Variants in SHPRH observed in about 807,000 individuals in gnomAD.
The protein encoded by SHPRH is SNF2 histone linker PHD RING helicase.
In SHPRH, 106 loss-of-function variants were observed where a neutral mutation model predicts 202.5. The ratio of observed to expected loss-of-function variants is 0.52; its 90% CI spans 0.45 to 0.62. The LOEUF (loss-of-function observed/expected upper bound fraction) is 0.62, where lower values mean the gene tolerates loss of function less well. Among genes scored for constraint, SHPRH ranks in the 20% least tolerant of loss-of-function variants. The pLI is 0.00. For missense variants in SHPRH, 1,710 were observed against 2,020.0 expected, an observed-to-expected ratio of 0.85 and a Z score of 2.94; for synonymous variants, 729 against 686.0, an observed-to-expected ratio of 1.06 and a Z score of -0.98.
chr6:145,962,389 A>T (rs780571377), intron 1 of SHPRH, among the ~76,000 whole-genome samples: 5 of 152,206 alleles, frequency 3.3e-5, no homozygotes, highest in Non-Finnish European at 7.3e-5. Flanking sequence ...GGACCTAACG[A>T]TACTTTACTC....
rs534647789 is a variant in SHPRH at position 145,887,300 on chromosome 6, C to T, written c.4956-513G>A. ...TTTCTAGTTTCAAATTGCTTCTTTG[C>T]TATGTGACAATCCCTTCTAAGGCAA... On this transcript the variant is annotated intron_variant, in intron 29 of 29. Transcript: ENST00000275233. Among the ~76,000 whole-genome samples, 225 of 152,232 alleles carry T rather than the reference C, an allele frequency of 1.5e-3. 1 individual carries two copies. The highest frequency in any genetic ancestry group is 5.2e-3 in the African/African-American group (215 of 41,562).
chr6:145,952,527 T>C (rs371032557), intron 2 of SHPRH, 49 bp from the exon 3 acceptor site: 2 of 1,550,910 alleles, frequency 1.3e-6, no homozygotes, highest in African/African-American at 1.4e-5. Flanking sequence ...AAATATACCA[T>C]TCTTTATGAG....
intron 13 of SHPRH, among the ~76,000 whole-genome samples, chr6:145,933,871 G>A (rs1360462492): frequency 6.6e-6 from 1 of 152,080 alleles, no homozygotes; most frequent in African/African-American, 2.4e-5. Flanking sequence ...ATTTCTTAAT[G>A]TTCTCAGAAT....
At chr6:145,859,676 T>A (rs927620541), downstream of SHPRH, among the ~76,000 whole-genome samples, 1 of 152,108 alleles carries the variant, frequency 6.6e-6, no homozygotes, top group African/African-American at 2.4e-5. Context: ...GAAAATTTAC[T>A]GAATTTGCTT....
chr6:145,943,596 G>A lies in SHPRH; in HGVS notation c.1785C>T (p.Pro595=), dbSNP rs756181663. 1.5e-5 allele frequency: 24 copies of A among 1,613,680 alleles called. No individual in the cohort carries two copies. The highest frequency in any genetic ancestry group is 3.3e-5 in the Admixed American group (2 of 59,942). ...TAGCTGGACAGTGACCTTGTGAATCGGGATTGATAAATGGTTGACTTTTTC... is the reference window on the plus strand; with the variant it reads ...TAGCTGGACAGTGACCTTGTGAATCAGGATTGATAAATGGTTGACTTTTTC... The part of the protein sequence containing the change: ...KKGKSQPFIN[P]DSQGHCPATS... Residue 595 remains proline (P), a synonymous_variant, in exon 9 of 30, where the codon CCC becomes CCT. Coordinates refer to ENST00000275233, the MANE Select transcript of SHPRH (RefSeq NM_001042683.3).
chr6:145,862,901 C>A (rs1369339820), downstream of SHPRH, among the ~76,000 whole-genome samples: 8 of 152,138 alleles, frequency 5.3e-5, no homozygotes, highest in African/African-American at 1.2e-4. Flanking sequence ...GATTTTAGAA[C>A]TAGGTAGGCA....
At chr6:145,936,208 T>C (rs903930625) in intron 11 of SHPRH, among the ~76,000 whole-genome samples, 2 of 151,940 alleles carry the variant, frequency 1.3e-5, no homozygotes, top group African/African-American at 4.8e-5. Flanking sequence ...AATGAAAAAC[T>C]GCTTTGGATA....
chr6:145,957,241 A>C (rs991991550), intron 1 of SHPRH, among the ~76,000 whole-genome samples: 3 of 152,244 alleles, frequency 2.0e-5, no homozygotes, highest in Admixed American at 6.5e-5. Flanking sequence ...CTAAAACTAA[A>C]ACTTCTCAAA....
At chr6:145,891,830 C>T (rs1005761361) in intron 28 of SHPRH, among the ~76,000 whole-genome samples, 2 of 151,988 alleles carry the variant, frequency 1.3e-5, no homozygotes, top group Non-Finnish European at 2.9e-5. Flanking sequence ...CTTTTGGACT[C>T]GTGGTTTTAA....
chr6:145,863,381 G>A (rs1414322540), downstream of SHPRH, among the ~76,000 whole-genome samples: 1 of 152,150 alleles, frequency 6.6e-6, no homozygotes, highest in Admixed American at 6.5e-5. Flanking sequence ...ATAAGATCAG[G>A]TTTCCAAAGG....
chr6:145,923,771 A>G lies in SHPRH; in HGVS notation c.3417T>C (p.Ser1139=). ...HELQRKIHSN[S]PWWLNVIHRA... is the part of the protein sequence containing the mutation. ...TGTGGATCACATTTAGCCACCAAGG[A>G]GAATTAGAATGAATCTGTAAAAAAG... The change falls in exon 18 of 30, where the codon TCT becomes TCC. Residue 1139 remains serine (S), a synonymous_variant. Coordinates refer to ENST00000275233, the MANE Select transcript of SHPRH (RefSeq NM_001042683.3). 6.2e-7 allele frequency: 1 copy of G among 1,609,026 alleles called. No homozygotes were observed. The highest frequency in any genetic ancestry group is 8.5e-7 in the Non-Finnish European group (1 of 1,177,326).
intron 3 of SHPRH, 100 bp from the exon 4 acceptor site, chr6:145,950,582 G>C: frequency 3.7e-6 from 4 of 1,078,892 alleles, no homozygotes; most frequent in Non-Finnish European, 4.1e-6. Flanking sequence ...CCCAACTCTG[G>C]GGCCTTGCTC....
In SHPRH at chr6:145,953,645, A is replaced by G. The variant is rs1788205055; in HGVS notation, c.633+1045T>C. ...AGACAGTTTTCAGTTAAACAACATG[A>G]AATTAACATTTTAAATTTTCAGGTT... On this transcript the variant is annotated intron_variant, in intron 2 of 29. Transcript: ENST00000275233. Among the ~76,000 whole-genome samples, 3 of 152,278 alleles carry G rather than the reference A, an allele frequency of 2.0e-5. No individual in the cohort carries two copies. The South Asian group carries it at 6.2e-4, about 32-fold the overall frequency.
intron 14 of SHPRH, among the ~76,000 whole-genome samples, chr6:145,931,117 C>G (rs1251303511): frequency 6.6e-6 from 1 of 151,954 alleles, no homozygotes; most frequent in African/African-American, 2.4e-5. Flanking sequence ...ACATTTGCAT[C>G]TTTAAATATA....
chr6:145,927,148 A>C (rs770622795), intron 15 of SHPRH, 41 bp downstream of exon 15: 2 of 1,569,528 alleles, frequency 1.3e-6, no homozygotes, highest in East Asian at 4.5e-5. Flanking sequence ...TTGTTAAAAA[A>C]ACAAACAGAA....
intron 2 of SHPRH, among the ~76,000 whole-genome samples, chr6:145,872,271 G>C (rs1031483373): frequency 6.6e-6 from 1 of 151,992 alleles, no homozygotes; most frequent in Non-Finnish European, 1.5e-5. Context: ...CTACAGAACG[G>C]GCGAAAATTG....
intron 1 of SHPRH, among the ~76,000 whole-genome samples, chr6:145,961,386 T>C (rs1789076243): frequency 6.6e-6 from 1 of 152,166 alleles, no homozygotes; most frequent in Non-Finnish European, 1.5e-5. Context: ...TTGTTATGGA[T>C]AACCAGCTGC....
In SHPRH at chr6:145,954,917, T is replaced by G; in HGVS notation, c.406A>C (p.Arg136=). 1.2e-6 allele frequency: 2 copies of G among 1,613,776 alleles called. No individual in the cohort carries two copies. Among genetic ancestry groups the G allele is most frequent in the Non-Finnish European group, 1.7e-6 (2 of 1,179,874 alleles). ...TCTGAACTCATCAATGTAATACTCC[T>G]TTCGGAAAAATTTTCAATTAAACTC... The part of the protein sequence containing the change: ...AQSLIENFSE[R]SITLMSSESS... Residue 136 remains arginine (R), a synonymous_variant, in exon 2 of 30, where the codon AGG becomes CGG. Transcript: ENST00000275233.
At chr6:145,948,903 C>T (rs1787685070) in intron 4 of SHPRH, among the ~76,000 whole-genome samples, 3 of 152,052 alleles carry the variant, frequency 2.0e-5, no homozygotes, top group South Asian at 4.1e-4. Flanking sequence ...TAGCCTTCTC[C>T]TTAATATTTT....
Sources: allele counts gnomAD v4.1 joint callset (sites outside exome capture counted in the v4.1 genomes callset), GRCh38; gene constraint gnomAD v4.1.1; transcripts MANE v1.5; gene names NCBI Gene and HGNC (gene_info 2026-07-23, HGNC 2026-07-21).